Variants in LIMCH1 observed in about 807,000 individuals in gnomAD.
LIMCH1 encodes LIM and calponin homology domains 1, also known as LIM and calponin homology domains-containing protein 1.
LIMCH1 carries 113 observed loss-of-function variants against 176.5 expected under a neutral mutation model. The ratio of observed to expected loss-of-function variants is 0.64; its 90% CI spans 0.55 to 0.75. The LOEUF (loss-of-function observed/expected upper bound fraction) is 0.75. Among genes scored for constraint, LIMCH1 ranks in the 30% least tolerant of loss-of-function variants. The probability of loss-of-function intolerance (pLI) is 0.00; values close to 1 mark genes in which losing one functional copy is unlikely to be tolerated. For missense variants in LIMCH1, 1,674 were observed against 1,814.9 expected, an observed-to-expected ratio of 0.92 and a Z score of 1.41; for synonymous variants, 619 against 645.9, an observed-to-expected ratio of 0.96 and a Z score of 0.63.
chr4:41,497,942 G>A (rs2072508448), intron 2 of LIMCH1, among the ~76,000 whole-genome samples: 2 of 152,172 alleles, frequency 1.3e-5, no homozygotes, highest in Non-Finnish European at 2.9e-5. Context: ...GGGCATTAGT[G>A]CCTGCAGACC....
In LIMCH1 at chr4:41,697,022, G is replaced by A. The variant is rs1426533450; in HGVS notation, c.4379-138G>A. ...TTGTCCTGGGGCCACACTTCAAGTA[G>A]CAGGATGGGAGAAGTTTCTGGTCCC... On this transcript the variant is annotated intron_variant, in intron 31 of 31. Transcript: ENST00000503057. The A allele has an allele frequency of 1.8e-5, 14 of 789,268 alleles. No individual in the cohort carries two copies. In the East Asian group the frequency reaches 3.5e-4, roughly 20 times the overall value. The allele number at this position is 789,268 out of a possible 1,614,324, so 48.9% of individuals were successfully genotyped here.
At chr4:41,666,712 T>C (rs1224582214) in intron 21 of LIMCH1, 46 bp downstream of exon 21, 1 of 1,233,278 alleles carries the variant, frequency 8.1e-7, no homozygotes, top group Non-Finnish European at 1.2e-6. Context: ...TCTGGGCCCA[T>C]CTGTAGTAAA....
Position 41,367,727 on chromosome 4 carries a change from C to T in LIMCH1, c.96+6791C>T, listed in dbSNP as rs1400100885. Reference sequence around the variant, plus strand: ...AAAAAGGAAAGAAAAATCATCCGGGCGTGGTGGCAGGCACCTGTAGTCCCA... The same window carrying T: ...AAAAAGGAAAGAAAAATCATCCGGGTGTGGTGGCAGGCACCTGTAGTCCCA... On this transcript the variant is annotated intron_variant, in intron 1 of 26. Coordinates refer to the LIMCH1 transcript ENST00000313860. Among the ~76,000 whole-genome samples the T allele has an allele frequency of 4.7e-5, 7 of 147,470 alleles. No homozygotes were observed. In the East Asian group the frequency reaches 8.0e-4, roughly 17 times the overall value.
At chr4:41,653,421 G>A (rs907333938) in intron 18 of LIMCH1, among the ~76,000 whole-genome samples, 4 of 151,908 alleles carry the variant, frequency 2.6e-5, no homozygotes, top group Admixed American at 6.6e-5. Flanking sequence ...GGGCCTCCCA[G>A]AGACTGACAC....
intron 2 of LIMCH1, among the ~76,000 whole-genome samples, chr4:41,516,597 A>G (rs918709987): frequency 6.6e-6 from 1 of 152,222 alleles, no homozygotes; most frequent in African/African-American, 2.4e-5. Context: ...ATAGTTATGC[A>G]AAGAACAGAC....
chr4:41,470,486 C>T (rs1264418718), intron 1 of LIMCH1, among the ~76,000 whole-genome samples: 1 of 152,150 alleles, frequency 6.6e-6, no homozygotes, highest in Non-Finnish European at 1.5e-5. Context: ...TATGTGCCCT[C>T]TCTACACACC....
chr4:41,684,633 T>A, intron 27 of LIMCH1, 115 bp downstream of exon 27: 2 of 1,137,190 alleles, frequency 1.8e-6, no homozygotes, highest in Non-Finnish European at 2.4e-6. Flanking sequence ...GGCCCTGGAC[T>A]TCTAGCTTAT....
chr4:41,631,059 C>G, intron 9 of LIMCH1, 89 bp from the exon 10 acceptor site: 1 of 1,193,758 alleles, frequency 8.4e-7, no homozygotes. Context: ...GGGCCAACTA[C>G]TTCTAGTTTT....
intron 1 of LIMCH1, among the ~76,000 whole-genome samples, chr4:41,571,385 A>T (rs2083538955): frequency 6.6e-6 from 1 of 152,158 alleles, no homozygotes; most frequent in Non-Finnish European, 1.5e-5. Flanking sequence ...ACAGGAGTGT[A>T]TAAAAAAGGA....
chr4:41,590,574 C>T (rs187481263), intron 1 of LIMCH1, among the ~76,000 whole-genome samples: 1 of 152,268 alleles, frequency 6.6e-6, no homozygotes, highest in East Asian at 1.9e-4. Flanking sequence ...CCTCCTCTGT[C>T]TCACCTTTCA....
chr4:41,529,739 T>A (rs1583559561), intron 3 of LIMCH1, among the ~76,000 whole-genome samples: 1 of 115,376 alleles, frequency 8.7e-6, no homozygotes, highest in South Asian at 4.5e-4. Flanking sequence ...CAAAAACTCA[T>A]TTTTTAAGTT....
Position 41,697,162 on chromosome 4 carries a change from G to T in LIMCH1, c.4381G>T (p.Ala1461Ser). 1 of 1,613,424 alleles carries T rather than the reference G, an allele frequency of 6.2e-7. No homozygotes were observed. Among genetic ancestry groups the T allele is most frequent in the Non-Finnish European group, 8.5e-7 (1 of 1,179,538 alleles). Residue 1461 changes from alanine to serine, a missense_variant and splice_region_variant, in exon 32 of 32, where the codon GCC becomes TCC. Physicochemically the swap from Ala to Ser is moderately conservative, Grantham distance 99. Transcript: ENST00000503057. ...GTTGTTGTTTGTTTTAATCACAGGTGCCGGGCAGCCTACAACATTGTGACA... is the reference window on the plus strand; with the variant it reads ...GTTGTTGTTTGTTTTAATCACAGGTTCCGGGCAGCCTACAACATTGTGACA... ...CNDCYMRSRSAGQPTTL is the reference protein window; with the variant it reads ...CNDCYMRSRSSGQPTTL
intron 1 of LIMCH1, among the ~76,000 whole-genome samples, chr4:41,483,298 G>C (rs1416421283): frequency 6.6e-6 from 1 of 152,074 alleles, no homozygotes; most frequent in Non-Finnish European, 1.5e-5. Context: ...GGTGGGGGGT[G>C]TGGGGCCAGG....
chr4:41,372,541 A>G (rs1177307756), intron 1 of LIMCH1, among the ~76,000 whole-genome samples: 2 of 152,226 alleles, frequency 1.3e-5, no homozygotes, highest in African/African-American at 2.4e-5. Flanking sequence ...AGATGCATAC[A>G]TAAAACAATA....
chr4:41,556,025 G>A (rs1369032046), intron 1 of LIMCH1, among the ~76,000 whole-genome samples: 1 of 152,106 alleles, frequency 6.6e-6, no homozygotes, highest in African/African-American at 2.4e-5. Flanking sequence ...GATTACAGGT[G>A]TGAGCCACCA....
At chr4:41,692,454 G>T in intron 31 of LIMCH1, 70 bp downstream of exon 31, 1 of 966,588 alleles carries the variant, frequency 1.0e-6, no homozygotes, top group Non-Finnish European at 1.6e-6. Context: ...CCCAATTTAG[G>T]AATTCAAATA....
chr4:41,477,508 T>G (rs749925357), intron 1 of LIMCH1, among the ~76,000 whole-genome samples: 26 of 152,294 alleles, frequency 1.7e-4, no homozygotes, highest in African/African-American at 6.0e-4. Flanking sequence ...ATGCTGTTAT[T>G]ATCATCATCA....
At chr4:41,628,297 A>G (rs2093101390) in intron 8 of LIMCH1, among the ~76,000 whole-genome samples, 2 of 152,052 alleles carry the variant, frequency 1.3e-5, no homozygotes, top group Admixed American at 6.6e-5. Context: ...TCCTCCATGT[A>G]ATTTTAATTC....
At chr4:41,450,397 GT>G (rs532531043) in intron 1 of LIMCH1, among the ~76,000 whole-genome samples, 1,557 of 152,286 alleles carry the variant, frequency 0.01, 7 homozygotes, top group Admixed American at 0.016. Flanking sequence ...AGAGAATGGA[GT>G]GGGGTCACTG....
Sources: allele counts gnomAD v4.1 joint callset (sites outside exome capture counted in the v4.1 genomes callset), GRCh38; gene constraint gnomAD v4.1.1; transcripts MANE v1.5; gene names NCBI Gene and HGNC (gene_info 2026-07-23, HGNC 2026-07-21).